The following ASTN2 variants were observed in gnomAD, a reference collection of about 807,000 sequenced individuals.
The protein encoded by ASTN2 is astrotactin 2.
In ASTN2, 54 loss-of-function variants were observed where a neutral mutation model predicts 139.8. That is an observed-to-expected ratio of 0.39 (90% CI 0.31 to 0.48). The LOEUF (loss-of-function observed/expected upper bound fraction) is 0.48, where lower values mean the gene tolerates loss of function less well. Ranked by LOEUF, ASTN2 falls within the 20% of genes least tolerant of loss-of-function variation. ASTN2 has a pLI of 0.95. For missense variants in ASTN2, 1,565 were observed against 1,725.1 expected, an observed-to-expected ratio of 0.91 and a Z score of 1.64; for synonymous variants, 756 against 719.5, an observed-to-expected ratio of 1.05 and a Z score of -0.81.
At chr9:116,737,127 G>A (rs115315426) in intron 13 of ASTN2, among the ~76,000 whole-genome samples, 2,593 of 152,338 alleles carry the variant, frequency 0.017, 81 homozygotes, top group African/African-American at 0.059. Context: ...CAGGTAGGCG[G>A]AGATGAAGCC....
At chr9:116,610,471 G>A (rs1855478621) in intron 19 of ASTN2, among the ~76,000 whole-genome samples, 2 of 152,090 alleles carry the variant, frequency 1.3e-5, no homozygotes, top group African/African-American at 4.8e-5. Flanking sequence ...TGGGGTGGTG[G>A]CGGGTGCCTG....
At chr9:117,053,433 T>C (rs868778998) in intron 5 of ASTN2, among the ~76,000 whole-genome samples, 12 of 151,422 alleles carry the variant, frequency 7.9e-5, no homozygotes, top group Admixed American at 4.0e-4. Flanking sequence ...GCCTGGGTGA[T>C]AGAGAGAGAC....
chr9:117,230,232 T>G (rs1373441094), intron 2 of ASTN2, among the ~76,000 whole-genome samples: 1 of 150,610 alleles, frequency 6.6e-6, no homozygotes, highest in East Asian at 1.9e-4. Context: ...TGTTAGATAT[T>G]TATCTCTCTT....
intron 1 of ASTN2, among the ~76,000 whole-genome samples, chr9:117,334,350 G>T (rs930304370): frequency 6.6e-6 from 1 of 152,108 alleles, no homozygotes; most frequent in Non-Finnish European, 1.5e-5. Flanking sequence ...GCTTTCAGGT[G>T]CAGGCTTACC....
chr9:117,357,434 T>C (rs1216981838), intron 1 of ASTN2, among the ~76,000 whole-genome samples: 1 of 152,140 alleles, frequency 6.6e-6, no homozygotes, highest in African/African-American at 2.4e-5. Flanking sequence ...AATGAACTAA[T>C]GAGGATTCAC....
chr9:117,214,524 G>C lies in ASTN2; in HGVS notation c.849C>G (p.Pro283=), dbSNP rs765486411. 9.3e-6 allele frequency: 15 copies of C among 1,614,052 alleles called. No homozygotes were observed. Among genetic ancestry groups the C allele is most frequent in the Non-Finnish European group, 1.1e-5 (13 of 1,179,904 alleles). The change falls in exon 3 of 23, where the codon CCC becomes CCG. Residue 283 remains proline (P), a synonymous_variant. Transcript: ENST00000313400. The part of the protein sequence containing the change: ...LQTHNSVIGV[P]IRETPILDDY... ...CATCCAGGATGGGAGTCTCCCGGAT[G>C]GGCACGCCAATGACGGAATTGTGGG... is the stretch of plus-strand genomic sequence containing the variant.
At chr9:116,727,869 T>C (rs1828672998) in intron 15 of ASTN2, among the ~76,000 whole-genome samples, 2 of 152,206 alleles carry the variant, frequency 1.3e-5, no homozygotes, top group South Asian at 4.1e-4. Flanking sequence ...TCATAAGAAA[T>C]GAACTATTAT....
chr9:117,269,112 A>G (rs1320538572), intron 2 of ASTN2, among the ~76,000 whole-genome samples: 2 of 152,196 alleles, frequency 1.3e-5, no homozygotes, highest in Non-Finnish European at 2.9e-5. Context: ...TATTCTCGCC[A>G]GTGAGGGGAC....
chr9:116,519,643 A>C (rs1850787349), intron 19 of ASTN2, among the ~76,000 whole-genome samples: 1 of 152,112 alleles, frequency 6.6e-6, no homozygotes, highest in South Asian at 2.1e-4. Flanking sequence ...AGCAGAAGAA[A>C]AGAAATAACG....
chr9:116,572,558 G>A (rs955349151), intron 19 of ASTN2, among the ~76,000 whole-genome samples: 3 of 152,162 alleles, frequency 2.0e-5, no homozygotes, highest in Admixed American at 6.5e-5. Flanking sequence ...CGGCAGATGC[G>A]TCTTAAGCAG....
At chr9:117,088,735 G>C (rs979350574) in intron 5 of ASTN2, among the ~76,000 whole-genome samples, 1 of 152,202 alleles carries the variant, frequency 6.6e-6, no homozygotes, top group Admixed American at 6.5e-5. Flanking sequence ...TTAGAGGAAA[G>C]TACCTGAGAT....
intron 11 of ASTN2, among the ~76,000 whole-genome samples, chr9:116,856,765 G>A (rs2132330817): frequency 6.6e-6 from 1 of 152,204 alleles, no homozygotes; most frequent in East Asian, 1.9e-4. Context: ...AGATCAAAAT[G>A]AAAAAAGAAA....
chr9:117,339,389 C>T (rs1026774683), intron 1 of ASTN2, among the ~76,000 whole-genome samples: 1 of 152,054 alleles, frequency 6.6e-6, no homozygotes, highest in African/African-American at 2.4e-5. Flanking sequence ...GCAAGGTCAC[C>T]CTGTCCCACT....
chr9:116,619,705 T>TC (rs1856032732), intron 18 of ASTN2, among the ~76,000 whole-genome samples: 1 of 146,236 alleles, frequency 6.8e-6, no homozygotes, highest in African/African-American at 2.5e-5. Context: ...TTTTTTTTTT[T>TC]TTTTTTTGGA....
chr9:117,108,957 T>G (rs1362436754), intron 4 of ASTN2, among the ~76,000 whole-genome samples: 1 of 152,178 alleles, frequency 6.6e-6, no homozygotes, highest in Non-Finnish European at 1.5e-5. Flanking sequence ...CAAGATTCAA[T>G]AGTGCTTCAC....
At chr9:116,767,001 AACAC>A (rs1317944276) in intron 13 of ASTN2, among the ~76,000 whole-genome samples, 1 of 151,902 alleles carries the variant, frequency 6.6e-6, no homozygotes. Context: ...TAGTCACACA[AACAC>A]ACACATTCAC....
chr9:116,917,668 C>T (rs1834489255), intron 10 of ASTN2, among the ~76,000 whole-genome samples: 1 of 152,136 alleles, frequency 6.6e-6, no homozygotes, highest in Non-Finnish European at 1.5e-5. Context: ...ACATTAATGA[C>T]TTATAAATAC....
At chr9:116,951,040 GAGAT>G (rs779440637) in intron 10 of ASTN2, among the ~76,000 whole-genome samples, 10 of 152,072 alleles carry the variant, frequency 6.6e-5, no homozygotes, top group Admixed American at 1.3e-4. Context: ...AAGACAGAAA[GAGAT>G]AGAGAGAACT....
chr9:116,733,764 T>A (rs1362817913), intron 13 of ASTN2, among the ~76,000 whole-genome samples: 1 of 152,208 alleles, frequency 6.6e-6, no homozygotes, highest in African/African-American at 2.4e-5. Context: ...ATCTCAAGCA[T>A]GCTACTGTTC....
Sources: gnomAD v4.1 joint callset for allele counts (sites outside exome capture counted in the v4.1 genomes callset) on GRCh38, gnomAD v4.1.1 for gene constraint, MANE v1.5 for transcripts, NCBI Gene and HGNC (gene_info 2026-07-23, HGNC 2026-07-21) for gene names.